FHIT: variants seen among roughly 807,000 people sequenced by gnomAD.
The protein encoded by FHIT is fragile histidine triad diadenosine triphosphatase.
FHIT carries 19 observed loss-of-function variants against 17.9 expected under a neutral mutation model. The observed-to-expected ratio is 1.06, with a 90% confidence interval of 0.74 to 1.56. The LOEUF is 1.56. FHIT is among the 40% of genes most tolerant of loss of function. The pLI, the probability that FHIT is intolerant of heterozygous loss-of-function variation, is 0.00. For missense variants in FHIT, 248 were observed against 189.2 expected (o/e 1.31, Z -1.82); for synonymous variants, 81 against 69.7 (o/e 1.16, Z -0.81).
chr3:60,490,526 T>G (rs2034020076), intron 5 of FHIT, among the ~76,000 whole-genome samples: 1 of 151,746 alleles, frequency 6.6e-6, no homozygotes, highest in Non-Finnish European at 1.5e-5. Context: ...AAACTGTAAC[T>G]ACTCCAGCCC....
chr3:60,724,550 C>T (rs562553770), intron 4 of FHIT, among the ~76,000 whole-genome samples: 1 of 151,778 alleles, frequency 6.6e-6, no homozygotes, highest in African/African-American at 2.4e-5. Context: ...CATTTTCAAA[C>T]TGTTTTCCAA....
At position 60,438,758 on chromosome 3, in the gene FHIT, A is replaced by C. The variant is rs904588960; in HGVS notation, c.103+98102T>G. 2.0e-5 allele frequency among the ~76,000 whole-genome samples: 3 copies of C among 152,212 alleles called. No individual in the cohort carries two copies. The South Asian group carries it at 6.2e-4, about 32-fold the overall frequency. ...CATTCATGCTGATCACCAACTAACCACATTGTTGGGTTAAATCAAACCTCT... is the reference window on the plus strand; with the variant it reads ...CATTCATGCTGATCACCAACTAACCCCATTGTTGGGTTAAATCAAACCTCT... On this transcript the variant is annotated intron_variant, in intron 5 of 9. Coordinates refer to ENST00000492590, the MANE Select transcript of FHIT (RefSeq NM_002012.4).
chr3:60,684,776 C>A (rs782062848), intron 4 of FHIT, among the ~76,000 whole-genome samples: 1 of 152,036 alleles, frequency 6.6e-6, no homozygotes, highest in Non-Finnish European at 1.5e-5. Context: ...CTTTCCCATT[C>A]ATATTAGTTT....
At chr3:60,170,468 T>G (rs577739815) in intron 5 of FHIT, among the ~76,000 whole-genome samples, 1 of 152,148 alleles carries the variant, frequency 6.6e-6, no homozygotes, top group South Asian at 2.1e-4. Context: ...CACGTGAGTA[T>G]AAATGTGAAG....
chr3:60,097,408 T>A (rs1263875249), intron 5 of FHIT, among the ~76,000 whole-genome samples: 1 of 152,154 alleles, frequency 6.6e-6, no homozygotes, highest in East Asian at 1.9e-4. Context: ...TGTGTTCATT[T>A]GGGAGCTATC....
Position 60,088,878 on chromosome 3 carries a change from G to A in FHIT, c.104-74726C>T, listed in dbSNP as rs1178013361. Among the ~76,000 whole-genome samples, 22 of 152,158 alleles carry A rather than the reference G, an allele frequency of 1.4e-4. 1 individual carries two copies. The highest frequency in any genetic ancestry group is 1.4e-3 in the Admixed American group (22 of 15,278). ...CTAGAAAAGTGCCTGACACATGGTA[G>A]GTACTCAATAAATATTTATTAAATG... On this transcript the variant is annotated intron_variant, in intron 5 of 9. Coordinates refer to ENST00000492590, the MANE Select transcript of FHIT (RefSeq NM_002012.4).
At chr3:60,677,900 A>T (rs1458450910) in intron 4 of FHIT, among the ~76,000 whole-genome samples, 3 of 152,148 alleles carry the variant, frequency 2.0e-5, no homozygotes, top group African/African-American at 7.2e-5. Context: ...TTGGGCAGTC[A>T]TATGTTTACA....
chr3:60,067,062 G>T (rs1702546251), intron 5 of FHIT, among the ~76,000 whole-genome samples: 2 of 152,052 alleles, frequency 1.3e-5, no homozygotes, highest in Non-Finnish European at 2.9e-5. Flanking sequence ...GAAAATAGAT[G>T]CACCTGTCCC....
chr3:60,393,343 A>G (rs1301333873), intron 5 of FHIT, among the ~76,000 whole-genome samples: 1 of 151,470 alleles, frequency 6.6e-6, no homozygotes, highest in East Asian at 1.9e-4. Context: ...CTCTTGTACT[A>G]TCCTCAAACT....
At chr3:59,774,209 T>G (rs1361174298) in intron 8 of FHIT, among the ~76,000 whole-genome samples, 1 of 152,204 alleles carries the variant, frequency 6.6e-6, no homozygotes, top group African/African-American at 2.4e-5. Context: ...AAGGGGCTTT[T>G]ATTGGAACAC....
At chr3:60,907,041 A>G (rs1706465137) in intron 3 of FHIT, among the ~76,000 whole-genome samples, 1 of 152,202 alleles carries the variant, frequency 6.6e-6, no homozygotes, top group African/African-American at 2.4e-5. Context: ...TCATCGATGG[A>G]CAATAGAACC....
chr3:60,889,698 T>C (rs1228536692), intron 3 of FHIT, among the ~76,000 whole-genome samples: 1 of 152,178 alleles, frequency 6.6e-6, no homozygotes, highest in Non-Finnish European at 1.5e-5. Context: ...AAAAATTGTA[T>C]ATGCAGCCAT....
At chr3:59,775,073 C>G (rs1702244424) in intron 8 of FHIT, among the ~76,000 whole-genome samples, 1 of 152,158 alleles carries the variant, frequency 6.6e-6, no homozygotes, top group Non-Finnish European at 1.5e-5. Context: ...GCTATAATTC[C>G]CAGTTTCGAC....
intron 4 of FHIT, among the ~76,000 whole-genome samples, chr3:60,712,129 A>G (rs1553705289): frequency 6.6e-6 from 1 of 152,200 alleles, no homozygotes; most frequent in Non-Finnish European, 1.5e-5. Context: ...CAACATTCTT[A>G]AAGAAAAGAA....
chr3:60,512,820 A>T (rs2035000987), intron 5 of FHIT, among the ~76,000 whole-genome samples: 1 of 152,212 alleles, frequency 6.6e-6, no homozygotes, highest in African/African-American at 2.4e-5. Flanking sequence ...ATCTTCAAAT[A>T]ATTTAATGTC....
intron 5 of FHIT, among the ~76,000 whole-genome samples, chr3:60,281,418 C>G (rs1024391309): frequency 2.6e-5 from 4 of 152,084 alleles, no homozygotes; most frequent in African/African-American, 9.7e-5. Context: ...AGTGATACTA[C>G]TCAACTTTAA....
Position 59,752,331 on chromosome 3 carries a change from A to G in FHIT, c.349-10T>C, listed in dbSNP as rs1210519401. ...TGTCATGTTTCTGGAGCTTTGGAGA[A>G]AAAAAAAGGAAGAGGCTCTTTCATG... On this transcript the variant is annotated splice_polypyrimidine_tract_variant and intron_variant, in intron 8 of 9. Coordinates refer to ENST00000492590, the MANE Select transcript of FHIT (RefSeq NM_002012.4). The G allele has an allele frequency of 1.2e-6, 2 of 1,604,272 alleles. No individual in the cohort carries two copies. The highest frequency in any genetic ancestry group is 1.7e-6 in the Non-Finnish European group (2 of 1,175,200).
intron 3 of FHIT, among the ~76,000 whole-genome samples, chr3:61,033,947 A>G (rs6446177): frequency 1 from 152,273 of 152,294 alleles, 76,126 homozygotes; most frequent in Middle Eastern, 1. Flanking sequence ...AACTCCACAA[A>G]GGAGACACTC....
chr3:59,903,580 A>G (rs1291660603), intron 8 of FHIT, among the ~76,000 whole-genome samples: 2 of 152,114 alleles, frequency 1.3e-5, no homozygotes, highest in African/African-American at 4.8e-5. Context: ...GAGACTTTTC[A>G]CCCCTGTTAT....
Sources: allele counts gnomAD v4.1 joint callset (sites outside exome capture counted in the v4.1 genomes callset), GRCh38; gene constraint gnomAD v4.1.1; transcripts MANE v1.5; gene names NCBI Gene and HGNC (gene_info 2026-07-23, HGNC 2026-07-21).